The following EDNRB variants were observed in gnomAD, a reference collection of about 807,000 sequenced individuals.
EDNRB encodes the protein endothelin receptor type B, also known as Hirschsprung disease 2.
In EDNRB, 18 loss-of-function variants were observed where a neutral mutation model predicts 46.4. That is an observed-to-expected ratio of 0.39 (90% CI 0.27 to 0.57). EDNRB has a LOEUF of 0.57. EDNRB is among the 20% of genes least tolerant of loss of function. The pLI, the probability that EDNRB is intolerant of heterozygous loss-of-function variation, is 0.61. For synonymous variants in EDNRB, 213 were observed against 204.9 expected (o/e 1.04, Z -0.34); for missense variants, 434 against 537.5 (o/e 0.81, Z 1.90).
At chr13:77,947,538 C>T (rs1040191815) in intron 1 of EDNRB, 1 of 152,022 alleles carries the variant, frequency 6.6e-6, no homozygotes, top group African/African-American at 2.4e-5. Context: ...TAGCTATTTA[C>T]AGGCACAATC....
At chr13:77,952,710 G>A (rs868044836) in intron 1 of EDNRB, among the ~76,000 whole-genome samples, 1 of 152,208 alleles carries the variant, frequency 6.6e-6, no homozygotes, top group Admixed American at 6.5e-5. Flanking sequence ...ATGTTTTTAA[G>A]TAGAAATCAA....
In EDNRB at chr13:77,959,166, C is replaced by T. The variant is rs528023368; in HGVS notation, c.-52+16181G>A. ...CTTGAACCTCTGCAGACTTAAATGT[C>T]CCTGTCTGACAGCTTTGAAGAGAGT... On this transcript the variant is annotated intron_variant, in intron 1 of 7. Coordinates refer to the EDNRB transcript ENST00000646948. Among the ~76,000 whole-genome samples, 726 of 152,314 alleles carry T rather than the reference C, an allele frequency of 4.8e-3. 4 individuals are homozygous for T. Among genetic ancestry groups the T allele is most frequent in the Middle Eastern group, 0.037 (11 of 294 alleles).
intron 1 of EDNRB, among the ~76,000 whole-genome samples, chr13:77,925,016 G>A (rs1187382998): frequency 6.6e-6 from 1 of 152,114 alleles, no homozygotes; most frequent in Non-Finnish European, 1.5e-5. Flanking sequence ...TTTATCAGCA[G>A]CCTGAAAACG....
At chr13:77,899,138 C>A (rs1395563455) in intron 6 of EDNRB, among the ~76,000 whole-genome samples, 1 of 151,756 alleles carries the variant, frequency 6.6e-6, no homozygotes, top group African/African-American at 2.4e-5. Context: ...TCTCTTCCAA[C>A]TCTAAAATTT....
intron 1 of EDNRB, among the ~76,000 whole-genome samples, chr13:77,940,665 A>C (rs1475372559): frequency 6.6e-6 from 1 of 152,038 alleles, no homozygotes; most frequent in African/African-American, 2.4e-5. Context: ...AGTTTGTCAG[A>C]AAATCTCATT....
At chr13:77,898,957 GGTTATATA>G (rs549930476) in intron 6 of EDNRB, among the ~76,000 whole-genome samples, 93 of 151,862 alleles carry the variant, frequency 6.1e-4, no homozygotes, top group African/African-American at 2.0e-3. Context: ...TAAACAATAA[GGTTATATA>G]GTACAAAAGC....
At chr13:77,950,345 A>G (rs1020294473) in intron 1 of EDNRB, among the ~76,000 whole-genome samples, 10 of 152,218 alleles carry the variant, frequency 6.6e-5, no homozygotes, top group Non-Finnish European at 1.5e-4. Flanking sequence ...TACAAGTAGT[A>G]CTTGCTGGGC....
chr13:77,924,750 C>A (rs774929854), upstream of EDNRB, among the ~76,000 whole-genome samples: 7 of 152,080 alleles, frequency 4.6e-5, no homozygotes, highest in Non-Finnish European at 1.0e-4. Flanking sequence ...GGGAGGGACC[C>A]AGTGAGAGAT....
At chr13:77,910,225 G>A (rs1879505488) in intron 1 of EDNRB, among the ~76,000 whole-genome samples, 1 of 151,988 alleles carries the variant, frequency 6.6e-6, no homozygotes, top group Non-Finnish European at 1.5e-5. Flanking sequence ...TACTTTGCCA[G>A]ACTGCAGTCT....
intron 1 of EDNRB, among the ~76,000 whole-genome samples, chr13:77,951,965 G>A (rs893559962): frequency 6.6e-6 from 1 of 152,130 alleles, no homozygotes; most frequent in Non-Finnish European, 1.5e-5. Context: ...TGGTTTGCCA[G>A]AAATATGTTA....
chr13:77,958,022 T>G (rs1881290085), intron 1 of EDNRB, among the ~76,000 whole-genome samples: 1 of 152,224 alleles, frequency 6.6e-6, no homozygotes, highest in Non-Finnish European at 1.5e-5. Context: ...AAACACCATG[T>G]GGAAGTTATT....
chr13:77,963,945 C>T (rs1405449584), intron 1 of EDNRB, among the ~76,000 whole-genome samples: 11 of 152,284 alleles, frequency 7.2e-5, no homozygotes, highest in Non-Finnish European at 1.5e-4. Flanking sequence ...ACAACCCCAT[C>T]AAAAACTGGG....
intron 1 of EDNRB, among the ~76,000 whole-genome samples, chr13:77,938,662 G>A (rs1486808832): frequency 1.3e-5 from 2 of 152,158 alleles, no homozygotes; most frequent in Admixed American, 6.5e-5. Flanking sequence ...GACCAGCGCT[G>A]GAGTTTTGGA....
upstream of EDNRB, chr13:77,919,705 C>A (rs545587795): frequency 1.5e-6 from 2 of 1,311,526 alleles, no homozygotes; most frequent in South Asian, 2.9e-5. Flanking sequence ...TGGACAGCAT[C>A]AGTAGTAGTT....
intron 1 of EDNRB, among the ~76,000 whole-genome samples, chr13:77,949,368 G>T (rs531420496): frequency 6.6e-6 from 1 of 152,200 alleles, no homozygotes; most frequent in African/African-American, 2.4e-5. Flanking sequence ...TTCTACGGCA[G>T]TCTGAGATGA....
At chr13:77,923,143 A>G (rs1208086490), upstream of EDNRB, among the ~76,000 whole-genome samples, 1 of 152,212 alleles carries the variant, frequency 6.6e-6, no homozygotes, top group Non-Finnish European at 1.5e-5. Flanking sequence ...TTTTCTGCCT[A>G]TAGAAAATAT....
chr13:77,905,266 G>A lies in EDNRB; in HGVS notation c.484-1659C>T, dbSNP rs564736033. 3.3e-5 allele frequency among the ~76,000 whole-genome samples: 5 copies of A among 151,708 alleles called. No homozygotes were observed. The South Asian group carries it at 1.0e-3, about 32-fold the overall frequency. On this transcript the variant is annotated intron_variant, in intron 1 of 6. Coordinates refer to ENST00000646607, the MANE Select transcript of EDNRB (RefSeq NM_001122659.3). Reference sequence around the variant, plus strand: ...AGACATCACATACTTTTTGCTAAGGGGCTCCAAATACAAAAATCTCTTGAT... The same window carrying A: ...AGACATCACATACTTTTTGCTAAGGAGCTCCAAATACAAAAATCTCTTGAT...
chr13:77,921,675 A>C (rs1359054627), upstream of EDNRB, among the ~76,000 whole-genome samples: 1 of 152,256 alleles, frequency 6.6e-6, no homozygotes, highest in Non-Finnish European at 1.5e-5. Flanking sequence ...ATTGAAGTTT[A>C]ACCTTAAATA....
At chr13:77,970,492 G>A (rs74097037) in intron 1 of EDNRB, among the ~76,000 whole-genome samples, 6,071 of 152,230 alleles carry the variant, frequency 0.04, 396 homozygotes, top group African/African-American at 0.13. Flanking sequence ...GGTTGAGCAT[G>A]TGAATGGGGG....
Sources: gnomAD v4.1 joint callset for allele counts (sites outside exome capture counted in the v4.1 genomes callset) on GRCh38, gnomAD v4.1.1 for gene constraint, MANE v1.5 for transcripts, NCBI Gene and HGNC (gene_info 2026-07-23, HGNC 2026-07-21) for gene names.